Variants in TSPAN11 observed in about 807,000 individuals in gnomAD.
TSPAN11 encodes tetraspanin 11.
TSPAN11 carries 29 observed loss-of-function variants against 32.9 expected under a neutral mutation model. The ratio of observed to expected loss-of-function variants is 0.88; its 90% confidence interval spans 0.66 to 1.20. The LOEUF (loss-of-function observed/expected upper bound fraction) is 1.20. Among genes scored for constraint, TSPAN11 ranks in the 50% most tolerant of loss-of-function variants. The probability of loss-of-function intolerance (pLI) is 0.00; values close to 1 mark genes in which losing one functional copy is unlikely to be tolerated. For synonymous variants in TSPAN11, 140 were observed against 141.3 expected (o/e 0.99, Z 0.07); for missense variants, 283 against 329.1 (o/e 0.86, Z 1.08).
intron 2 of TSPAN11, among the ~76,000 whole-genome samples, chr12:30,960,011 A>G (rs1938579816): frequency 1.3e-5 from 2 of 151,156 alleles, no homozygotes. Context: ...GAGGTGGGGA[A>G]CCGAGGTGGA....
the TSPAN11 span, among the ~76,000 whole-genome samples, chr12:31,004,459 G>A: frequency 2.0e-5 from 3 of 152,104 alleles, no homozygotes; most frequent in African/African-American, 7.2e-5. Flanking sequence ...GAGATCATAG[G>A]ACCAAACTGG....
intron 7 of TSPAN11, among the ~76,000 whole-genome samples, chr12:30,989,368 G>A (rs1372427348): frequency 6.6e-6 from 1 of 152,202 alleles, no homozygotes; most frequent in Non-Finnish European, 1.5e-5. Flanking sequence ...TGAGGGAATA[G>A]CGTGTGCAAA....
At chr12:31,015,223 A>G in the TSPAN11 span, among the ~76,000 whole-genome samples, 1 of 152,224 alleles carries the variant, frequency 6.6e-6, no homozygotes, top group African/African-American at 2.4e-5. This position sits in a 1 kb window ranked among gnomAD's most constrained non-coding sequence, Gnocchi z 4.9. Flanking sequence ...GTTGCTTTAC[A>G]CAATGTGGTA....
chr12:30,960,550 G>A (rs563880042), intron 2 of TSPAN11, among the ~76,000 whole-genome samples: 7 of 151,876 alleles, frequency 4.6e-5, no homozygotes, highest in African/African-American at 1.2e-4. Context: ...TATTTCTCTC[G>A]GCCCCTCAGG....
intron 1 of TSPAN11, among the ~76,000 whole-genome samples, chr12:30,931,586 A>G (rs1331612754): frequency 1.3e-5 from 2 of 152,138 alleles, no homozygotes; most frequent in Non-Finnish European, 2.9e-5. Context: ...TGCTTTTAGA[A>G]TTAGAGTACC....
the TSPAN11 span, among the ~76,000 whole-genome samples, chr12:31,013,085 T>C: frequency 2.6e-5 from 4 of 152,214 alleles, no homozygotes; most frequent in Non-Finnish European, 4.4e-5. Context: ...TGCAAACATC[T>C]ACTGATCCTC....
intron 5 of TSPAN11, 43 bp from the exon 6 acceptor site, chr12:30,982,489 C>A: frequency 6.3e-7 from 1 of 1,582,794 alleles, no homozygotes; most frequent in South Asian, 1.1e-5. Context: ...GGACCCTACG[C>A]AGGCCTCTCA....
Position 30,979,598 on chromosome 12 carries a change from G to A in TSPAN11, c.384G>A (p.Arg128=). The part of the protein sequence containing the change: ...LSDELKQHLN[R]TLAENYGQPG... ...ATGAACTGAAGCAGCACTTGAACCGGACTCTGGCTGAGAACTACGGGCAGC... is the reference window on the plus strand; with the variant it reads ...ATGAACTGAAGCAGCACTTGAACCGAACTCTGGCTGAGAACTACGGGCAGC... Residue 128 remains arginine, a synonymous_variant, in exon 5 of 8, where the codon CGG becomes CGA. Transcript: ENST00000546076. The A allele has an allele frequency of 6.2e-7, 1 of 1,614,186 alleles. No homozygotes were observed. Among genetic ancestry groups the A allele is most frequent in the African/African-American group, 1.3e-5 (1 of 75,054 alleles).
intron 7 of TSPAN11, chr12:30,986,858 A>C (rs1038938673): frequency 2.0e-5 from 3 of 152,178 alleles, no homozygotes; most frequent in African/African-American, 4.8e-5. Flanking sequence ...GAGAGATGAG[A>C]GTTCACATCA....
intron 5 of TSPAN11, among the ~76,000 whole-genome samples, chr12:30,980,416 G>A (rs1391118191): frequency 6.6e-6 from 1 of 152,202 alleles, no homozygotes; most frequent in African/African-American, 2.4e-5. Flanking sequence ...AGACAGCACA[G>A]ATGTAGGATG....
chr12:30,947,541 C>T (rs187190374), intron 1 of TSPAN11, among the ~76,000 whole-genome samples: 458 of 152,236 alleles, frequency 3.0e-3, no homozygotes, highest in Admixed American at 7.8e-3. Flanking sequence ...AAGGCACTTC[C>T]TACATGGTGG....
chr12:31,003,098 G>A, the TSPAN11 span, among the ~76,000 whole-genome samples: 2 of 152,226 alleles, frequency 1.3e-5, no homozygotes, highest in African/African-American at 4.8e-5. Context: ...AGACAAGTTT[G>A]TAAATTGTTT....
intron 1 of TSPAN11, among the ~76,000 whole-genome samples, chr12:30,953,323 G>T (rs542119175): frequency 6.6e-6 from 1 of 152,314 alleles, no homozygotes; most frequent in Non-Finnish European, 1.5e-5. Flanking sequence ...GCTGAGGGAT[G>T]GGAGGTCATG....
intron 7 of TSPAN11, among the ~76,000 whole-genome samples, chr12:30,986,163 C>A (rs1939197082): frequency 6.6e-6 from 1 of 152,212 alleles, no homozygotes; most frequent in South Asian, 2.1e-4. Flanking sequence ...CCCAGCCTGG[C>A]ACTTCCAAGA....
At chr12:30,982,903 C>G (rs1162545238) in intron 6 of TSPAN11, among the ~76,000 whole-genome samples, 161 bp from the exon 7 acceptor site, 2 of 152,226 alleles carry the variant, frequency 1.3e-5, no homozygotes, top group African/African-American at 4.8e-5. Flanking sequence ...CCATGGCATG[C>G]CCCTGGGGCC....
chr12:30,971,780 ATCTAAT>A (rs1456551714), intron 3 of TSPAN11, among the ~76,000 whole-genome samples: 2 of 151,810 alleles, frequency 1.3e-5, no homozygotes, highest in Non-Finnish European at 2.9e-5. Context: ...AGGACTCAAT[ATCTAAT>A]TACTCACCTT....
chr12:30,945,543 T>C (rs1430704679), intron 1 of TSPAN11, among the ~76,000 whole-genome samples: 2 of 152,148 alleles, frequency 1.3e-5, no homozygotes, highest in Non-Finnish European at 2.9e-5. Flanking sequence ...CCAACAGTTG[T>C]GGTCCCTCTG....
chr12:30,991,698 G>A lies in TSPAN11; in HGVS notation c.703-158G>A, dbSNP rs117845532. Among the ~76,000 whole-genome samples the A allele has an allele frequency of 7.3e-3, 1,111 of 152,322 alleles. 5 individuals carry two copies. Among genetic ancestry groups the A allele is most frequent in the South Asian group, 0.017 (80 of 4,822 alleles). On this transcript the variant is annotated intron_variant, in intron 7 of 7. Transcript: ENST00000546076. ...AGCTTGTCAGAAATGCAGAACCTCA[G>A]GTCCCACCCTGACATTTTGAGCAGT...
intron 2 of TSPAN11, among the ~76,000 whole-genome samples, chr12:30,958,540 G>C (rs1038620319): frequency 1.3e-5 from 2 of 152,158 alleles, no homozygotes; most frequent in Non-Finnish European, 2.9e-5. Context: ...GCTCAGCTGT[G>C]CTCTCTCGGG....
Sources: gnomAD v4.1 joint callset for allele counts (sites outside exome capture counted in the v4.1 genomes callset) on GRCh38, gnomAD v4.1.1 for gene constraint, Gnocchi (gnomAD v3.1) non-coding constraint, MANE v1.5 for transcripts, NCBI Gene and HGNC (gene_info 2026-07-23, HGNC 2026-07-21) for gene names.